Variants in GPHN observed in about 807,000 individuals in gnomAD.
GPHN encodes gephyrin.
A neutral mutation model predicts 95.5 loss-of-function variants in GPHN; 17 were observed. That is an observed-to-expected ratio of 0.18 (90% CI 0.12 to 0.27). GPHN has a LOEUF of 0.27. Among genes scored for constraint, GPHN ranks in the 10% least tolerant of loss-of-function variants. The probability of loss-of-function intolerance (pLI) is 1.00; values close to 1 mark genes in which losing one functional copy is unlikely to be tolerated. For synonymous variants in GPHN, 320 were observed against 322.5 expected (o/e 0.99, Z 0.08); for missense variants, 660 against 978.1 (o/e 0.67, Z 4.34).
At chr14:66,604,470 GT>G (rs2062414960) in intron 1 of GPHN, among the ~76,000 whole-genome samples, 1 of 151,940 alleles carries the variant, frequency 6.6e-6, no homozygotes, top group Non-Finnish European at 1.5e-5. Context: ...CAGACACTTG[GT>G]TATGAAACAC....
chr14:67,081,907 G>GT (rs1818391849), intron 11 of GPHN, among the ~76,000 whole-genome samples: 1 of 152,118 alleles, frequency 6.6e-6, no homozygotes, highest in Non-Finnish European at 1.5e-5. Flanking sequence ...TCAGTTGGCT[G>GT]TAAGTATTGG....
chr14:67,390,592 G>A, the GPHN span: 79 of 1,081,666 alleles, frequency 7.3e-5, no homozygotes, highest in African/African-American at 8.5e-4. Flanking sequence ...CCAGCTGCCC[G>A]CCATGCCAGG....
chr14:66,937,003 G>A (rs959183849), intron 8 of GPHN, among the ~76,000 whole-genome samples: 3 of 152,080 alleles, frequency 2.0e-5, no homozygotes, highest in African/African-American at 4.8e-5. Flanking sequence ...CTTAGTAATC[G>A]TGAAGATAAT....
chr14:67,507,218 G>GGGGCGCA, the GPHN span, among the ~76,000 whole-genome samples: 1 of 151,998 alleles, frequency 6.6e-6, no homozygotes, highest in African/African-American at 2.4e-5. Context: ...AATATAGGTG[G>GGGGCGCA]TGCAACTACA....
At chr14:67,458,477 C>T in the GPHN span, among the ~76,000 whole-genome samples, 1 of 152,160 alleles carries the variant, frequency 6.6e-6, no homozygotes, top group Non-Finnish European at 1.5e-5. Flanking sequence ...TAACAGTTAT[C>T]CCCATTTGGG....
rs776360772 is a variant in GPHN, at chr14:66,508,203, T to C, written c.-325T>C. The C allele has an allele frequency of 2.3e-5, 12 of 512,852 alleles. No individual in the cohort carries two copies. Among genetic ancestry groups the C allele is most frequent in the Non-Finnish European group, 3.6e-5 (10 of 281,526 alleles). The allele number at this position is 512,852 out of a possible 1,614,324, so 31.8% of individuals were successfully genotyped here. ...TTGGGTCTCGCGCTCCGCAGAGCGTTCCGACACTCTCCGGCCTCGTTCTGC... is the reference window on the plus strand; with the variant it reads ...TTGGGTCTCGCGCTCCGCAGAGCGTCCCGACACTCTCCGGCCTCGTTCTGC... On this transcript the variant is annotated 5_prime_UTR_variant, in exon 1 of 23. Coordinates refer to ENST00000478722, the MANE Select transcript of GPHN (RefSeq NM_020806.5).
At chr14:67,599,014 C>CA in the GPHN span, among the ~76,000 whole-genome samples, 1 of 152,164 alleles carries the variant, frequency 6.6e-6, no homozygotes, top group Non-Finnish European at 1.5e-5. Flanking sequence ...TTTGCCTGAA[C>CA]AAACATACGG....
At chr14:66,983,904 A>T (rs534894690) in intron 9 of GPHN, among the ~76,000 whole-genome samples, 1 of 152,138 alleles carries the variant, frequency 6.6e-6, no homozygotes, top group Non-Finnish European at 1.5e-5. Flanking sequence ...TCCATCCCAT[A>T]TATTTTCAGG....
chr14:67,196,502 G>A, the GPHN span, among the ~76,000 whole-genome samples: 1 of 152,164 alleles, frequency 6.6e-6, no homozygotes, highest in African/African-American at 2.4e-5. Context: ...GATTATAGGC[G>A]TGAGCTACTG....
the GPHN span, chr14:67,706,402 A>G: frequency 6.6e-6 from 1 of 152,188 alleles, no homozygotes; most frequent in Non-Finnish European, 1.5e-5. Flanking sequence ...CAGCCTTCGG[A>G]GGGCCTGACA....
intron 3 of GPHN, among the ~76,000 whole-genome samples, chr14:66,807,471 ATAG>A (rs1223820484): frequency 2.0e-5 from 3 of 152,234 alleles, no homozygotes; most frequent in African/African-American, 7.2e-5. Context: ...TTCTTCTATA[ATAG>A]TGAGAGTTAA....
At chr14:66,919,908 T>TA (rs68078081) in intron 6 of GPHN, among the ~76,000 whole-genome samples, 42 of 150,902 alleles carry the variant, frequency 2.8e-4, no homozygotes, top group African/African-American at 7.3e-4. Context: ...CTACTAAAAA[T>TA]AAAAAAAAAC....
the GPHN span, chr14:67,503,544 C>A: frequency 6.6e-6 from 1 of 152,184 alleles, no homozygotes; most frequent in Non-Finnish European, 1.5e-5. Flanking sequence ...GCATGGCTGC[C>A]CACTGCCCTG....
chr14:66,835,155 TATTA>T (rs973357894), intron 4 of GPHN, among the ~76,000 whole-genome samples: 1 of 151,168 alleles, frequency 6.6e-6, no homozygotes, highest in Admixed American at 6.6e-5. Context: ...TTTTTTTCTT[TATTA>T]GTCTTGCTAG....
At chr14:67,216,083 A>G in the GPHN span, among the ~76,000 whole-genome samples, 1 of 152,148 alleles carries the variant, frequency 6.6e-6, no homozygotes, top group East Asian at 1.9e-4. Context: ...GTGTCCTCCT[A>G]CCAATCCCCC....
At position 66,798,660 on chromosome 14, in the gene GPHN, C is replaced by G. The variant is rs113623023; in HGVS notation, c.201+22139C>G. Reference sequence around the variant, plus strand: ...TCTGCAGTATCAATTGTAATGTCACCTTTTTTATTTTTGATTGTATTTATT... The same window carrying G: ...TCTGCAGTATCAATTGTAATGTCACGTTTTTTATTTTTGATTGTATTTATT... On this transcript the variant is annotated intron_variant, in intron 3 of 22. Coordinates refer to ENST00000478722, the MANE Select transcript of GPHN (RefSeq NM_020806.5). 3.1e-3 allele frequency among the ~76,000 whole-genome samples: 471 copies of G among 151,700 alleles called. 11 individuals are homozygous for G. Among genetic ancestry groups the G allele is most frequent in the African/African-American group, 0.011 (446 of 41,440 alleles).
intron 1 of GPHN, among the ~76,000 whole-genome samples, chr14:66,643,190 T>TA (rs2064530271): frequency 6.6e-6 from 1 of 152,072 alleles, no homozygotes; most frequent in South Asian, 2.1e-4. Flanking sequence ...AAATGCAAGC[T>TA]AAAACCACAG....
chr14:67,060,292 G>A (rs2075774513), intron 11 of GPHN, among the ~76,000 whole-genome samples: 1 of 150,618 alleles, frequency 6.6e-6, no homozygotes, highest in Admixed American at 6.6e-5. Context: ...CCCTTCATGT[G>A]CTTGTTTCCC....
At position 66,806,901 on chromosome 14, in the gene GPHN, C is replaced by T. The variant is rs996207328; in HGVS notation, c.202-17573C>T. Among the ~76,000 whole-genome samples the T allele has an allele frequency of 2.6e-5, 4 of 152,138 alleles. No individual in the cohort carries two copies. In the South Asian group the frequency reaches 8.3e-4, roughly 32 times the overall value. ...CCAACCCCTACCTGTTACCCAGTTC[C>T]AAAGTTCCTTTCACATTTTTGGGTA... is the stretch of plus-strand genomic sequence containing the variant. On this transcript the variant is annotated intron_variant, in intron 3 of 22. Transcript: ENST00000478722.
Sources: gnomAD v4.1 joint callset for allele counts (sites outside exome capture counted in the v4.1 genomes callset) on GRCh38, gnomAD v4.1.1 for gene constraint, MANE v1.5 for transcripts, NCBI Gene and HGNC (gene_info 2026-07-23, HGNC 2026-07-21) for gene names.